PCDHA2: variants seen among roughly 807,000 people sequenced by gnomAD.
PCDHA2 encodes the protein protocadherin alpha-2.
In PCDHA2, 58 loss-of-function variants were observed where a neutral mutation model predicts 66.0. The observed-to-expected ratio is 0.88, with a 90% CI of 0.71 to 1.09. The LOEUF (loss-of-function observed/expected upper bound fraction) is 1.09. Among genes scored for constraint, PCDHA2 ranks in the 50% least tolerant of loss-of-function variants. The probability of loss-of-function intolerance (pLI) is 0.00; values close to 1 mark genes in which losing one functional copy is unlikely to be tolerated. For synonymous variants in PCDHA2, 634 were observed against 554.0 expected (o/e 1.14, Z -2.03); for missense variants, 1,267 against 1,242.3 (o/e 1.02, Z -0.30).
intron 3 of PCDHA2, among the ~76,000 whole-genome samples, chr5:140,989,192 C>A (rs1458235302): frequency 6.6e-6 from 1 of 152,192 alleles, no homozygotes; most frequent in African/African-American, 2.4e-5. Context: ...GAATTACCCT[C>A]CCTTCTAGCT....
intron 1 of PCDHA2, chr5:140,928,999 G>C: frequency 1.2e-6 from 2 of 1,613,936 alleles, no homozygotes; most frequent in Non-Finnish European, 1.7e-6. Context: ...ACTTTTCTTC[G>C]TGTGTACCAA....
chr5:140,873,172 G>A (rs545473160), intron 1 of PCDHA2, among the ~76,000 whole-genome samples: 1 of 152,202 alleles, frequency 6.6e-6, no homozygotes, highest in African/African-American at 2.4e-5. Flanking sequence ...GAGAGCTTTT[G>A]TATCATAATA....
chr5:140,962,008 C>T (rs1363169601), intron 1 of PCDHA2, among the ~76,000 whole-genome samples: 5 of 152,088 alleles, frequency 3.3e-5, no homozygotes, highest in South Asian at 2.1e-4. Context: ...CTCAGCTTCC[C>T]GAGTAGCTGG....
intron 1 of PCDHA2, chr5:140,869,875 G>C: frequency 1.2e-6 from 2 of 1,610,396 alleles, no homozygotes. Flanking sequence ...TGCTGCTAAA[G>C]AAACTCTTGT....
At chr5:141,004,186 C>T (rs1554259505) in intron 3 of PCDHA2, among the ~76,000 whole-genome samples, 1 of 152,240 alleles carries the variant, frequency 6.6e-6, no homozygotes, top group Non-Finnish European at 1.5e-5. Flanking sequence ...CTTGAGTGCT[C>T]TTAACCAAAA....
chr5:140,941,210 T>TTC (rs2092846943), intron 1 of PCDHA2, among the ~76,000 whole-genome samples: 12 of 100,630 alleles, frequency 1.2e-4, no homozygotes, highest in Admixed American at 4.7e-4. Context: ...TTCCTTTCTT[T>TTC]CTTCCTTTCT....
intron 1 of PCDHA2, chr5:140,825,401 T>C (rs112444110): frequency 1.4e-5 from 2 of 144,590 alleles, no homozygotes; most frequent in Non-Finnish European, 3.0e-5. Context: ...TCTAATATAT[T>C]ATATATTTTA....
chr5:140,822,157 A>G (rs2150114165), intron 1 of PCDHA2: 1 of 1,614,258 alleles, frequency 6.2e-7, no homozygotes, highest in Non-Finnish European at 8.5e-7. Context: ...CATCAATGAC[A>G]ATCCGCCCAG....
At chr5:140,897,100 A>G (rs10054072) in intron 1 of PCDHA2, among the ~76,000 whole-genome samples, 2,117 of 151,950 alleles carry the variant, frequency 0.014, 42 homozygotes, top group African/African-American at 0.049. Context: ...CTCATTAAAA[A>G]TCTCCACTTT....
At chr5:140,917,518 C>T (rs1159309425) in intron 1 of PCDHA2, among the ~76,000 whole-genome samples, 3 of 152,198 alleles carry the variant, frequency 2.0e-5, no homozygotes, top group Non-Finnish European at 4.4e-5. Context: ...AGGTTTTATT[C>T]TACGGTTTGT....
At chr5:141,004,843 A>G (rs2098184369) in intron 3 of PCDHA2, among the ~76,000 whole-genome samples, 1 of 152,230 alleles carries the variant, frequency 6.6e-6, no homozygotes, top group African/African-American at 2.4e-5. Context: ...CAAAGTCATT[A>G]GTCTCAGAGA....
intron 1 of PCDHA2, chr5:140,966,954 G>T (rs782541612): frequency 6.2e-7 from 1 of 1,601,606 alleles, no homozygotes; most frequent in Non-Finnish European, 8.5e-7. Flanking sequence ...AACGTGGCTC[G>T]CGCGCTGGGG....
intron 1 of PCDHA2, chr5:140,876,650 T>C (rs782068706): frequency 3.1e-6 from 5 of 1,614,162 alleles, no homozygotes; most frequent in South Asian, 2.2e-5. Context: ...ACACCTCATG[T>C]TCCCTTCAAG....
intron 3 of PCDHA2, among the ~76,000 whole-genome samples, chr5:140,999,615 A>G (rs535054544): frequency 5.3e-5 from 8 of 152,322 alleles, no homozygotes; most frequent in Admixed American, 3.3e-4. Flanking sequence ...GACCTTATCA[A>G]CCAGGAAACA....
chr5:140,834,485 G>T (rs2150219471), intron 1 of PCDHA2: 3 of 1,614,120 alleles, frequency 1.9e-6, no homozygotes. Flanking sequence ...TCCACTACTC[G>T]GTCCCCGAGG....
intron 1 of PCDHA2, chr5:140,815,969 G>T (rs1765823942): frequency 6.6e-6 from 1 of 152,094 alleles, no homozygotes; most frequent in South Asian, 2.1e-4. Context: ...GTGTTCTTTT[G>T]TACGTGATGA....
Position 140,796,032 on chromosome 5 carries a change from A to G in PCDHA2, c.1068A>G (p.Ser356=). 1 of 1,614,186 alleles carries G rather than the reference A, an allele frequency of 6.2e-7. No individual in the cohort carries two copies. Among genetic ancestry groups the G allele is most frequent in the Non-Finnish European group, 8.5e-7 (1 of 1,180,024 alleles). ...NTPEVSITSL[S]LPISENASLG... ...CAGAAGTCTCAATAACGTCTCTCTC[A>G]CTTCCCATCTCAGAGAACGCTTCCC... The change falls in exon 1 of 4, where the codon TCA becomes TCG. Residue 356 remains serine (S), a synonymous_variant. Transcript: ENST00000526136.
At chr5:140,841,928 G>A in intron 1 of PCDHA2, 2 of 1,613,910 alleles carry the variant, frequency 1.2e-6, no homozygotes, top group Admixed American at 1.7e-5. Context: ...CTTGGACAGA[G>A]AGGACGCTCC....
Position 140,795,898 on chromosome 5 carries a change from GA to G in PCDHA2, c.936del (p.Ala313GlnfsTer26). 1 of 1,613,984 alleles carries G rather than the reference GA, an allele frequency of 6.2e-7. No individual in the cohort carries two copies. The highest frequency in any genetic ancestry group is 8.5e-7 in the Non-Finnish European group (1 of 1,179,960). The stretch of plus-strand genomic sequence containing the variant: ...AACTAAGGGAAAATTAGATTATGAA[GA>G]AGCAAAGTCCTACGAGATTCAGGTC... ...IRTKGKLDYE[E>X]AKSYEIQVTA... On this transcript the variant is annotated frameshift_variant, in exon 1 of 4. Transcript: ENST00000526136. LOFTEE classifies it high-confidence loss of function.
Sources: allele counts gnomAD v4.1 joint callset (sites outside exome capture counted in the v4.1 genomes callset), GRCh38; gene constraint gnomAD v4.1.1; transcripts MANE v1.5; gene names NCBI Gene and HGNC (gene_info 2026-07-23, HGNC 2026-07-21).